Variants in CNTNAP2 observed in about 807,000 individuals in gnomAD.
CNTNAP2 encodes contactin-associated protein-like 2.
A neutral mutation model predicts 155.2 loss-of-function variants in CNTNAP2; 98 were observed. The observed-to-expected ratio is 0.63, with a 90% CI of 0.54 to 0.75. The LOEUF (loss-of-function observed/expected upper bound fraction) is 0.75. CNTNAP2 is among the 30% of genes least tolerant of loss of function. The pLI is 0.00. For missense variants in CNTNAP2, 1,727 were observed against 1,688.1 expected, an observed-to-expected ratio of 1.02 and a Z score of -0.40; for synonymous variants, 651 against 631.2, an observed-to-expected ratio of 1.03 and a Z score of -0.47.
At chr7:146,616,427 G>T (rs1028281995) in intron 1 of CNTNAP2, among the ~76,000 whole-genome samples, 1 of 152,130 alleles carries the variant, frequency 6.6e-6, no homozygotes, top group East Asian at 1.9e-4. Flanking sequence ...TTTGCAGTGA[G>T]GATGATGATT....
At chr7:146,728,883 G>T (rs973024097) in intron 1 of CNTNAP2, among the ~76,000 whole-genome samples, 13 of 152,166 alleles carry the variant, frequency 8.5e-5, no homozygotes, top group Non-Finnish European at 1.8e-4. Flanking sequence ...TTAGTGCCAG[G>T]TCGTCGTTCT....
chr7:146,473,754 T>C (rs1473974615), intron 1 of CNTNAP2, among the ~76,000 whole-genome samples: 1 of 152,216 alleles, frequency 6.6e-6, no homozygotes, highest in Admixed American at 6.5e-5. Flanking sequence ...TTGTATGTTT[T>C]TCCCCCCATT....
chr7:146,205,907 A>G (rs1367659096), intron 1 of CNTNAP2, among the ~76,000 whole-genome samples: 1 of 151,890 alleles, frequency 6.6e-6, no homozygotes, highest in African/African-American at 2.4e-5. Context: ...CACAGCAGTA[A>G]TGATTCTCTA....
At chr7:146,912,043 T>A (rs1213923042) in intron 3 of CNTNAP2, among the ~76,000 whole-genome samples, 1 of 151,876 alleles carries the variant, frequency 6.6e-6, no homozygotes, top group Non-Finnish European at 1.5e-5. Context: ...TATACAATCC[T>A]TTCATTACGA....
chr7:146,551,267 T>C (rs963005207), intron 1 of CNTNAP2, among the ~76,000 whole-genome samples: 49 of 152,052 alleles, frequency 3.2e-4, no homozygotes, highest in African/African-American at 1.2e-3. Flanking sequence ...TAGGTATATC[T>C]CCTAATGCTG....
intron 11 of CNTNAP2, among the ~76,000 whole-genome samples, chr7:147,530,612 G>C (rs1799414973): frequency 6.6e-6 from 1 of 152,128 alleles, no homozygotes; most frequent in South Asian, 2.1e-4. Context: ...TGGCACCCTG[G>C]ATTCAGTTAC....
intron 10 of CNTNAP2, among the ~76,000 whole-genome samples, chr7:147,441,851 C>CTCTCTCTCTCT (rs71182201): frequency 9.1e-6 from 1 of 110,416 alleles, no homozygotes; most frequent in Admixed American, 9.1e-5. Flanking sequence ...CTCTCTCTCT[C>CTCTCTCTCTCT]CCTCCCTCCC....
intron 3 of CNTNAP2, chr7:146,915,731 T>C (rs1796380094): frequency 6.6e-6 from 1 of 152,068 alleles, no homozygotes; most frequent in Non-Finnish European, 1.5e-5. Context: ...GTATGAGTCT[T>C]TAGGGTTTTC....
intron 18 of CNTNAP2, among the ~76,000 whole-genome samples, chr7:148,211,241 G>A (rs1391231773): frequency 6.6e-6 from 1 of 152,232 alleles, no homozygotes; most frequent in Non-Finnish European, 1.5e-5. Context: ...TCCCAGGAGA[G>A]CCTCCTAGAC....
intron 1 of CNTNAP2, among the ~76,000 whole-genome samples, chr7:146,455,987 G>T (rs1280974665): frequency 6.6e-6 from 1 of 152,078 alleles, no homozygotes; most frequent in Non-Finnish European, 1.5e-5. Context: ...TATAAACCAT[G>T]AATTGATATG....
intron 15 of CNTNAP2, among the ~76,000 whole-genome samples, chr7:148,063,817 A>G (rs780355291): frequency 3.3e-5 from 5 of 151,998 alleles, no homozygotes; most frequent in South Asian, 2.1e-4. Flanking sequence ...GCCAATGTCT[A>G]GAAGGGTTTT....
chr7:147,910,027 T>C (rs1290841324), intron 14 of CNTNAP2, among the ~76,000 whole-genome samples: 1 of 152,180 alleles, frequency 6.6e-6, no homozygotes, highest in Non-Finnish European at 1.5e-5. Context: ...AAATAATCCA[T>C]GACCAACTTT....
chr7:146,474,278 T>A (rs896579928), intron 1 of CNTNAP2, among the ~76,000 whole-genome samples: 4 of 149,008 alleles, frequency 2.7e-5, no homozygotes, highest in African/African-American at 9.8e-5. Context: ...ATATATATAT[T>A]TCATTTATAT....
At chr7:148,306,243 G>A (rs373356322) in intron 21 of CNTNAP2, among the ~76,000 whole-genome samples, 2 of 152,064 alleles carry the variant, frequency 1.3e-5, no homozygotes, top group African/African-American at 4.8e-5. Flanking sequence ...GAAGATTTTA[G>A]GTTCTTATTC....
chr7:146,592,543 T>A (rs556472406), intron 1 of CNTNAP2, among the ~76,000 whole-genome samples: 1 of 152,292 alleles, frequency 6.6e-6, no homozygotes, highest in South Asian at 2.1e-4. Flanking sequence ...AAGAATCCAG[T>A]CATTCCAGAG....
chr7:147,329,926 G>A (rs1268808399), intron 9 of CNTNAP2, among the ~76,000 whole-genome samples: 2 of 152,096 alleles, frequency 1.3e-5, no homozygotes, highest in African/African-American at 4.8e-5. Context: ...TTTAATCAGT[G>A]ATTCTTCTGG....
chr7:146,321,189 A>G (rs995155846), intron 1 of CNTNAP2, among the ~76,000 whole-genome samples: 115 of 152,334 alleles, frequency 7.5e-4, no homozygotes, highest in African/African-American at 2.5e-3. Context: ...AAATGAAACC[A>G]AAGATTAAAA....
Position 146,122,463 on chromosome 7 carries a change from A to C in CNTNAP2, c.97+5490A>C, listed in dbSNP as rs139303548. On this transcript the variant is annotated intron_variant, in intron 1 of 23. Coordinates refer to ENST00000361727, the MANE Select transcript of CNTNAP2 (RefSeq NM_014141.6). The stretch of plus-strand genomic sequence containing the variant: ...TTCTAATCTAGAACTCAGAGAAGGG[A>C]CTGAGATTGACTGTACTCAGTAAAA... Among the ~76,000 whole-genome samples, 1,377 of 152,340 alleles carry C rather than the reference A, an allele frequency of 9.0e-3. 14 individuals are homozygous for C. The highest frequency in any genetic ancestry group is 0.014 in the Non-Finnish European group (921 of 68,030).
chr7:147,476,201 G>T (rs1798317128), intron 10 of CNTNAP2, among the ~76,000 whole-genome samples: 1 of 152,026 alleles, frequency 6.6e-6, no homozygotes. Flanking sequence ...CTCCTCCTGG[G>T]TTCACACCAT....
Sources: allele counts gnomAD v4.1 joint callset (sites outside exome capture counted in the v4.1 genomes callset), GRCh38; gene constraint gnomAD v4.1.1; transcripts MANE v1.5; gene names NCBI Gene and HGNC (gene_info 2026-07-23, HGNC 2026-07-21).